The following JMY variants were observed in gnomAD, a reference collection of about 807,000 sequenced individuals.
The protein encoded by JMY is junction-mediating and -regulatory protein.
A neutral mutation model predicts 103.3 loss-of-function variants in JMY; 46 were observed. The ratio of observed to expected loss-of-function variants is 0.45; its 90% CI spans 0.35 to 0.57. The LOEUF (loss-of-function observed/expected upper bound fraction) is 0.57, where lower values mean the gene tolerates loss of function less well. JMY is among the 20% of genes least tolerant of loss of function. JMY has a pLI of 0.00. For synonymous variants in JMY, 526 were observed against 489.3 expected (o/e 1.07, Z -0.99); for missense variants, 1,238 against 1,255.2 (o/e 0.99, Z 0.21).
At chr5:79,246,485 TCTC>T (rs1474721689) in intron 1 of JMY, among the ~76,000 whole-genome samples, 5 of 152,208 alleles carry the variant, frequency 3.3e-5, no homozygotes, top group African/African-American at 9.6e-5. Flanking sequence ...AGACCTGACT[TCTC>T]CTTGTTAATA....
chr5:79,236,609 C>T lies in JMY; in HGVS notation c.-42C>T. The T allele has an allele frequency of 7.5e-7, 1 of 1,338,992 alleles. No individual in the cohort carries two copies. The highest frequency in any genetic ancestry group is 9.7e-7 in the Non-Finnish European group (1 of 1,033,222). 82.9% of individuals were successfully genotyped at this position (1,338,992 alleles called of 1,614,324 possible). On this transcript the variant is annotated 5_prime_UTR_variant, in exon 1 of 11. Coordinates refer to ENST00000396137, the MANE Select transcript of JMY (RefSeq NM_152405.5). Reference sequence around the variant, plus strand: ...GCCAGCGGGGAGTCCTCGGGCGGGCCGGGCCGGCGGCCCTTCCCCGCGGCG... The same window carrying T: ...GCCAGCGGGGAGTCCTCGGGCGGGCTGGGCCGGCGGCCCTTCCCCGCGGCG...
At chr5:79,281,107 C>T (rs141933663) in intron 2 of JMY, among the ~76,000 whole-genome samples, 4,974 of 151,580 alleles carry the variant, frequency 0.033, 96 homozygotes, top group South Asian at 0.062. Flanking sequence ...TGCAGTGGCG[C>T]GATTTTGGCT....
At chr5:79,261,263 T>C (rs1745413378) in intron 1 of JMY, among the ~76,000 whole-genome samples, 3 of 152,176 alleles carry the variant, frequency 2.0e-5, no homozygotes. Flanking sequence ...GCAATGTAAA[T>C]TGATAGCATA....
Position 79,290,255 on chromosome 5 carries a change from A to T in JMY, c.1341A>T (p.Thr447=), listed in dbSNP as rs1012296712. The T allele has an allele frequency of 2.7e-6, 4 of 1,493,276 alleles. No individual in the cohort carries two copies. The East Asian group carries it at 9.7e-5, about 36-fold the overall frequency. The allele number at this position is 1,493,276 out of a possible 1,614,324, so 92.5% of individuals were successfully genotyped here. A position where few individuals can be genotyped will look rare whatever the true frequency, so the allele number is the denominator to read the frequency against. Residue 447 remains threonine, a synonymous_variant, in exon 3 of 11, where the codon ACA becomes ACT. Transcript: ENST00000396137. ...TTACTGTCAAGTACTTTGAAATAAC[A>T]GCTAAAGCTCAAAAAGGTAGGTTTC... is the stretch of plus-strand genomic sequence containing the variant. ...QDLTVKYFEI[T]AKAQKAVYDR...
chr5:79,240,516 C>T (rs1580322686), intron 1 of JMY, among the ~76,000 whole-genome samples: 1 of 152,110 alleles, frequency 6.6e-6, no homozygotes, highest in African/African-American at 2.4e-5. Flanking sequence ...CCAGTGTTGG[C>T]CAGGCTGGTC....
At chr5:79,296,085 G>GT (rs144377888) in intron 4 of JMY, among the ~76,000 whole-genome samples, 3,194 of 152,140 alleles carry the variant, frequency 0.021, 134 homozygotes, top group African/African-American at 0.072. Context: ...GAATCCCAGG[G>GT]TTTTTTTAGA....
chr5:79,284,648 C>T, intron 2 of JMY: 1 of 1,566,336 alleles, frequency 6.4e-7, no homozygotes, highest in East Asian at 2.2e-5. Flanking sequence ...TTACCCTGAA[C>T]ATCTTCAGTA....
chr5:79,319,309 G>T, intron 10 of JMY, among the ~76,000 whole-genome samples: 1 of 152,148 alleles, frequency 6.6e-6, no homozygotes, highest in East Asian at 1.9e-4. Flanking sequence ...GCTGGAATAT[G>T]TGGTACAATG....
intron 4 of JMY, among the ~76,000 whole-genome samples, chr5:79,292,484 T>C (rs1746451566): frequency 1.3e-5 from 2 of 151,872 alleles, no homozygotes; most frequent in Non-Finnish European, 2.9e-5. Flanking sequence ...AAATTTTTAT[T>C]TATTTACTTA....
intron 10 of JMY, among the ~76,000 whole-genome samples, chr5:79,319,701 C>T (rs1309176176): frequency 6.6e-6 from 1 of 152,004 alleles, no homozygotes; most frequent in Non-Finnish European, 1.5e-5. Context: ...CTGCCTCAGC[C>T]TCCGGAGTAG....
intron 1 of JMY, among the ~76,000 whole-genome samples, chr5:79,264,142 G>A (rs1745509697): frequency 1.3e-5 from 2 of 151,964 alleles, no homozygotes; most frequent in African/African-American, 4.8e-5. Context: ...GTAGAGTACA[G>A]TGATGTGATC....
At chr5:79,283,538 C>T (rs891087427) in intron 2 of JMY, among the ~76,000 whole-genome samples, 2 of 152,122 alleles carry the variant, frequency 1.3e-5, no homozygotes, top group Non-Finnish European at 2.9e-5. Flanking sequence ...CTCCTGCCTA[C>T]CCAGCATTAT....
intron 4 of JMY, among the ~76,000 whole-genome samples, chr5:79,293,606 C>T (rs1287717841): frequency 1.3e-5 from 2 of 151,900 alleles, no homozygotes; most frequent in Non-Finnish European, 2.9e-5. Flanking sequence ...TCATTCTTGC[C>T]CCTTTAAGAA....
rs925321199 is a variant in JMY at position 79,291,399 on chromosome 5, A to G, written c.1527+100A>G. 4 of 996,034 alleles carry G rather than the reference A, an allele frequency of 4.0e-6. No individual in the cohort carries two copies. In the Admixed American group the frequency reaches 8.8e-5, roughly 22 times the overall value. 61.7% of individuals were successfully genotyped at this position (996,034 alleles called of 1,614,324 possible). A position where few individuals can be genotyped will look rare whatever the true frequency, so the allele number is the denominator to read the frequency against. On this transcript the variant is annotated intron_variant, in intron 4 of 10. Coordinates refer to ENST00000396137, the MANE Select transcript of JMY (RefSeq NM_152405.5). Reference sequence around the variant, plus strand: ...TTTTGATTCGATAGGCAGTGATTTTATGCCATCTTCATGAGATGAAAACAC... The same window carrying G: ...TTTTGATTCGATAGGCAGTGATTTTGTGCCATCTTCATGAGATGAAAACAC...
In JMY at chr5:79,268,646, C is replaced by T. The variant is rs113101341; in HGVS notation, c.1033-9264C>T. ...GGGACTACAGGCGCCCACCACCATGCCCGGCTAATTTTTTTATACTTTTAA... is the reference window on the plus strand; with the variant it reads ...GGGACTACAGGCGCCCACCACCATGTCCGGCTAATTTTTTTATACTTTTAA... On this transcript the variant is annotated intron_variant, in intron 1 of 10. Coordinates refer to ENST00000396137, the MANE Select transcript of JMY (RefSeq NM_152405.5). Among the ~76,000 whole-genome samples the T allele has an allele frequency of 7.5e-3, 1,144 of 152,116 alleles. 15 individuals are homozygous for T. Among genetic ancestry groups the T allele is most frequent in the African/African-American group, 0.026 (1,088 of 41,490 alleles).
chr5:79,316,375 TG>T, intron 10 of JMY, 65 bp downstream of exon 10: 2 of 1,298,354 alleles, frequency 1.5e-6, no homozygotes, highest in Non-Finnish European at 2.1e-6. Flanking sequence ...TGATGAGGTT[TG>T]GGGTATTTTT....
At chr5:79,303,029 G>A (rs973543432) in intron 6 of JMY, among the ~76,000 whole-genome samples, 1 of 152,104 alleles carries the variant, frequency 6.6e-6, no homozygotes, top group Non-Finnish European at 1.5e-5. Flanking sequence ...GGTAGATGAT[G>A]GTGTCACCAA....
chr5:79,271,404 G>A (rs1255024269), intron 1 of JMY, among the ~76,000 whole-genome samples: 1 of 152,046 alleles, frequency 6.6e-6, no homozygotes, highest in Non-Finnish European at 1.5e-5. Context: ...AAACGAGTTA[G>A]GAAGTATTCC....
rs1201751153 is a variant in JMY at position 79,247,862 on chromosome 5, ATATTT to A, written c.1032+10199_1032+10203del. On this transcript the variant is annotated intron_variant, in intron 1 of 10. Coordinates refer to ENST00000396137, the MANE Select transcript of JMY (RefSeq NM_152405.5). ...TTTATTTTATTTTATTTTATTTTTT[ATATTT>A]TATTTTATTTTATTTTATATTTTAT... is the stretch of plus-strand genomic sequence containing the variant. Among the ~76,000 whole-genome samples, 14 of 148,262 alleles carry A rather than the reference ATATTT, an allele frequency of 9.4e-5. No individual in the cohort carries two copies. In the East Asian group the frequency reaches 1.6e-3, roughly 17 times the overall value.
Sources: gnomAD v4.1 joint callset for allele counts (sites outside exome capture counted in the v4.1 genomes callset) on GRCh38, gnomAD v4.1.1 for gene constraint, MANE v1.5 for transcripts, NCBI Gene and HGNC (gene_info 2026-07-23, HGNC 2026-07-21) for gene names.